LY75: variants seen among roughly 807,000 people sequenced by gnomAD.
LY75 encodes C-type lectin domain family 13 member B.
LY75 carries 185 observed loss-of-function variants against 231.7 expected under a neutral mutation model. The observed-to-expected ratio is 0.80, with a 90% CI of 0.71 to 0.90. The LOEUF is 0.90. Ranked by LOEUF, LY75 falls within the 40% of genes least tolerant of loss-of-function variation. The pLI, the probability that LY75 is intolerant of heterozygous loss-of-function variation, is 0.00. For synonymous variants in LY75, 668 were observed against 689.0 expected (o/e 0.97, Z 0.48); for missense variants, 1,947 against 2,050.2 (o/e 0.95, Z 0.97).
intron 23 of LY75, among the ~76,000 whole-genome samples, chr2:159,847,619 G>A (rs774687034): frequency 1.3e-5 from 2 of 152,098 alleles, no homozygotes; most frequent in African/African-American, 2.4e-5. Context: ...TAGCTATTGG[G>A]CAAATTAAAT....
chr2:159,840,990 C>A (rs1317323601), intron 24 of LY75, 35 bp from the exon 25 acceptor site: 3 of 1,606,716 alleles, frequency 1.9e-6, no homozygotes, highest in Admixed American at 3.3e-5. Flanking sequence ...AACAACAAAC[C>A]CTTCCCCACA....
intron 1 of LY75, among the ~76,000 whole-genome samples, 200 bp downstream of exon 1, chr2:159,904,389 C>G (rs928476102): frequency 3.9e-5 from 6 of 152,226 alleles, no homozygotes; most frequent in Admixed American, 2.6e-4. Flanking sequence ...CGCCCTCCTC[C>G]GGGCCCCCGA....
rs113317015 is a variant in LY75, at chr2:159,878,660, G to T, written c.1577C>A (p.Thr526Lys). Reference sequence around the variant, plus strand: ...GCTAGTGATAGTCAGATTGCAGTTTGTTCCAAAAGGGACCTCATCCTCATA... The same window carrying T: ...GCTAGTGATAGTCAGATTGCAGTTTTTTCCAAAAGGGACCTCATCCTCATA... ...KIYEDEVPFG[T>K]NCNLTITSRF... Residue 526 changes from threonine (T) to lysine (K), a missense_variant, in exon 10 of 35, where the codon ACA becomes AAA. Thr to Lys is a moderately conservative substitution (Grantham distance 78). Coordinates refer to ENST00000263636, the MANE Select transcript of LY75 (RefSeq NM_002349.4). 6.2e-7 allele frequency: 1 copy of T among 1,614,022 alleles called. No homozygotes were observed. The highest frequency in any genetic ancestry group is 1.1e-5 in the South Asian group (1 of 91,080).
chr2:159,818,608 T>A (rs1186200150), intron 29 of LY75, among the ~76,000 whole-genome samples: 2 of 152,206 alleles, frequency 1.3e-5, no homozygotes, highest in Non-Finnish European at 2.9e-5. Context: ...GAAATTTGAA[T>A]AATGTGTGGA....
chr2:159,885,248 A>G lies in LY75; in HGVS notation c.959T>C (p.Met320Thr). 1 of 1,613,686 alleles carries G rather than the reference A, an allele frequency of 6.2e-7. No individual in the cohort carries two copies. The highest frequency in any genetic ancestry group is 8.5e-7 in the Non-Finnish European group (1 of 1,179,706). Reference sequence around the variant, plus strand: ...CTGCCACAGACCAGACTCAGCATCCATTCTTGCACAGCTGGAGCCACCTAT... The same window carrying G: ...CTGCCACAGACCAGACTCAGCATCCGTTCTTGCACAGCTGGAGCCACCTAT... The part of the protein sequence containing the change: ...PTIGGSSCAR[M>T]DAESGLWQSF... Residue 320 changes from methionine (M) to threonine (T), a missense_variant, in exon 6 of 35, where the codon ATG (methionine) becomes ACG (threonine). Transcript: ENST00000263636.
intron 23 of LY75, among the ~76,000 whole-genome samples, chr2:159,848,974 A>G (rs12469306): frequency 0.87 from 131,988 of 152,180 alleles, 57,336 homozygotes; most frequent in Admixed American, 0.92. Context: ...CTATATCTAT[A>G]TACTAGATGG....
At chr2:159,817,090 G>A (rs1358129794) in intron 29 of LY75, 58 bp from the exon 30 acceptor site, 2 of 1,458,996 alleles carry the variant, frequency 1.4e-6, no homozygotes, top group Admixed American at 2.5e-5. Flanking sequence ...TACATCTTTT[G>A]GATGAGACAA....
chr2:159,808,312 A>G, intron 33 of LY75, 137 bp downstream of exon 33: 2 of 1,466,394 alleles, frequency 1.4e-6, no homozygotes, highest in Non-Finnish European at 1.8e-6. Context: ...CATCCAGAAC[A>G]GCCAGCGACC....
chr2:159,887,939 G>A (rs1685643373), intron 4 of LY75, among the ~76,000 whole-genome samples: 1 of 152,070 alleles, frequency 6.6e-6, no homozygotes, highest in South Asian at 2.1e-4. Context: ...AATATTCTAG[G>A]AAACTTGAAT....
At chr2:159,883,919 G>A (rs988173212) in intron 6 of LY75, among the ~76,000 whole-genome samples, 11 of 152,096 alleles carry the variant, frequency 7.2e-5, no homozygotes, top group African/African-American at 2.7e-4. Flanking sequence ...GTTCCTTAAA[G>A]CAGGACATTT....
chr2:159,876,138 C>T (rs1685259426), intron 11 of LY75, among the ~76,000 whole-genome samples: 2 of 152,156 alleles, frequency 1.3e-5, no homozygotes, highest in Non-Finnish European at 2.9e-5. Context: ...TATGTGGTAA[C>T]ATACATTTGT....
At chr2:159,813,712 A>G (rs1271372222) in intron 31 of LY75, among the ~76,000 whole-genome samples, 2 of 151,858 alleles carry the variant, frequency 1.3e-5, no homozygotes, top group Non-Finnish European at 2.9e-5. Flanking sequence ...CACCTCAACT[A>G]CCTAGATCTG....
chr2:159,833,403 C>T (rs1243052378), intron 27 of LY75, among the ~76,000 whole-genome samples: 1 of 152,194 alleles, frequency 6.6e-6, no homozygotes, highest in Non-Finnish European at 1.5e-5. Context: ...AGGCATGAGC[C>T]AGTGTGCCTA....
intron 28 of LY75, among the ~76,000 whole-genome samples, chr2:159,829,210 T>C (rs1477359434): frequency 1.3e-5 from 2 of 152,240 alleles, no homozygotes; most frequent in African/African-American, 4.8e-5. Context: ...CCTAAACATC[T>C]GCCTGCAGCA....
chr2:159,889,874 C>T (rs1336022801), intron 4 of LY75, among the ~76,000 whole-genome samples: 2 of 152,108 alleles, frequency 1.3e-5, no homozygotes, highest in Non-Finnish European at 2.9e-5. Context: ...TCTTCCTTCC[C>T]TTCCTTTAAT....
intron 28 of LY75, among the ~76,000 whole-genome samples, chr2:159,831,047 A>C (rs978024173): frequency 6.6e-6 from 1 of 152,226 alleles, no homozygotes; most frequent in Non-Finnish European, 1.5e-5. Flanking sequence ...GATGGTGATC[A>C]TTTTTAGTTA....
At position 159,878,625 on chromosome 2, in the gene LY75, G is replaced by A; in HGVS notation, c.1604+8C>T. ...AGTTTATGAGTACAAGTTTACTGATGGTCACACCTGCTAGTGATAGTCAGA... is the reference window on the plus strand; with the variant it reads ...AGTTTATGAGTACAAGTTTACTGATAGTCACACCTGCTAGTGATAGTCAGA... On this transcript the variant is annotated splice_region_variant and intron_variant, in intron 10 of 34. Coordinates refer to ENST00000263636, the MANE Select transcript of LY75 (RefSeq NM_002349.4). 1.2e-6 allele frequency: 2 copies of A among 1,613,910 alleles called. No individual in the cohort carries two copies. Among genetic ancestry groups the A allele is most frequent in the Non-Finnish European group, 1.7e-6 (2 of 1,179,936 alleles).
chr2:159,845,103 G>A (rs1293752117), intron 23 of LY75, among the ~76,000 whole-genome samples: 1 of 152,120 alleles, frequency 6.6e-6, no homozygotes, highest in African/African-American at 2.4e-5. Flanking sequence ...TAATGACAAT[G>A]AGAAAGAGAT....
Position 159,840,746 on chromosome 2 carries a change from C to T in LY75, c.3490G>A (p.Gly1164Arg), listed in dbSNP as rs375167764. ...ACACTTACATCTTGACTGAAGAGTC[C>T]GATCCATAAGGAAGAGTTGTGAAGG... ...ALLHNSSLWI[G>R]LFSQDDELNF... The change falls in exon 25 of 35, where the codon GGA becomes AGA. Residue 1164 changes from glycine (G) to arginine (R), a missense_variant. Physicochemically the swap from Gly to Arg is moderately radical, Grantham distance 125 (BLOSUM62 -2). Coordinates refer to ENST00000263636, the MANE Select transcript of LY75 (RefSeq NM_002349.4). 1.3e-5 allele frequency: 21 copies of T among 1,613,954 alleles called. No individual in the cohort carries two copies. The East Asian group carries it at 1.8e-4, about 14-fold the overall frequency.
Sources: allele counts gnomAD v4.1 joint callset (sites outside exome capture counted in the v4.1 genomes callset), GRCh38; gene constraint gnomAD v4.1.1; transcripts MANE v1.5; gene names NCBI Gene and HGNC (gene_info 2026-07-23, HGNC 2026-07-21).